The following MYO1D variants were observed in gnomAD, a reference collection of about 807,000 sequenced individuals.
MYO1D encodes the protein myosin ID, also known as unconventional myosin-Id.
Under a neutral mutation model 122.0 loss-of-function variants are expected in MYO1D, and 83 were observed. The observed-to-expected ratio is 0.68, with a 90% CI of 0.57 to 0.82. The LOEUF is 0.82. Among genes scored for constraint, MYO1D ranks in the 40% least tolerant of loss-of-function variants. The pLI, the probability that MYO1D is intolerant of heterozygous loss-of-function variation, is 0.00. For missense variants in MYO1D, 1,157 were observed against 1,269.5 expected (o/e 0.91, Z 1.35); for synonymous variants, 464 against 446.9 (o/e 1.04, Z -0.48).
intron 21 of MYO1D, among the ~76,000 whole-genome samples, chr17:32,539,791 C>T (rs899047514): frequency 1.3e-5 from 2 of 152,148 alleles, no homozygotes; most frequent in Admixed American, 6.5e-5. Flanking sequence ...GGGATTAGAA[C>T]ATGAACATCT....
At chr17:32,593,354 C>T (rs886522099) in intron 21 of MYO1D, among the ~76,000 whole-genome samples, 2 of 152,142 alleles carry the variant, frequency 1.3e-5, no homozygotes, top group African/African-American at 4.8e-5. Flanking sequence ...CACAGCTGTT[C>T]CTCCTCCAGA....
chr17:32,743,808 C>T (rs550876882), intron 13 of MYO1D, among the ~76,000 whole-genome samples: 4 of 151,820 alleles, frequency 2.6e-5, no homozygotes, highest in African/African-American at 7.3e-5. Flanking sequence ...TTAGTAGAGA[C>T]GGGGTTTCAC....
At chr17:32,698,050 C>A (rs2089196324) in intron 16 of MYO1D, among the ~76,000 whole-genome samples, 1 of 152,130 alleles carries the variant, frequency 6.6e-6, no homozygotes, top group Non-Finnish European at 1.5e-5. Flanking sequence ...CCGTGTGTGA[C>A]CTCTGCCAAG....
intron 1 of MYO1D, among the ~76,000 whole-genome samples, chr17:32,831,236 C>T (rs917518937): frequency 3.3e-5 from 5 of 152,062 alleles, no homozygotes; most frequent in South Asian, 2.1e-4. Context: ...AAAATTCTGC[C>T]GAGAAAGAGA....
chr17:32,634,494 T>C (rs1473131650), intron 20 of MYO1D, among the ~76,000 whole-genome samples: 1 of 152,208 alleles, frequency 6.6e-6, no homozygotes, highest in Non-Finnish European at 1.5e-5. Flanking sequence ...AGAAGTTCAA[T>C]GCATTAGGAG....
intron 21 of MYO1D, among the ~76,000 whole-genome samples, chr17:32,563,419 G>A (rs1335857606): frequency 6.6e-6 from 1 of 151,548 alleles, no homozygotes; most frequent in Non-Finnish European, 1.5e-5. Flanking sequence ...TTCAAACCAT[G>A]TTGGCCAGGC....
chr17:32,529,398 G>C (rs371172013), intron 21 of MYO1D, among the ~76,000 whole-genome samples: 1 of 152,014 alleles, frequency 6.6e-6, no homozygotes, highest in Non-Finnish European at 1.5e-5. Context: ...GAAAAGGGGC[G>C]GGTGGGGAGG....
rs192891650 is a variant in MYO1D, at chr17:32,669,948, C to T, written c.2122-10610G>A. On this transcript the variant is annotated intron_variant, in intron 16 of 21. Coordinates refer to ENST00000318217, the MANE Select transcript of MYO1D (RefSeq NM_015194.3). ...CACTCTATCACCCAGGCTGGAGTTGCGGTGGTGTGATCTTGGCTCACTGCA... is the reference window on the plus strand; with the variant it reads ...CACTCTATCACCCAGGCTGGAGTTGTGGTGGTGTGATCTTGGCTCACTGCA... Among the ~76,000 whole-genome samples, 13 of 149,172 alleles carry T rather than the reference C, an allele frequency of 8.7e-5. No individual in the cohort carries two copies. In the East Asian group the frequency reaches 2.2e-3, roughly 25 times the overall value.
chr17:32,866,463 A>G (rs753380245), intron 1 of MYO1D, among the ~76,000 whole-genome samples: 3 of 152,182 alleles, frequency 2.0e-5, no homozygotes, highest in Non-Finnish European at 4.4e-5. Flanking sequence ...TCAGTTCTCT[A>G]TCCCAGGTCT....
chr17:32,656,300 TAAC>T (rs2088475886), intron 17 of MYO1D, among the ~76,000 whole-genome samples: 1 of 152,214 alleles, frequency 6.6e-6, no homozygotes, highest in African/African-American at 2.4e-5. Flanking sequence ...GAAACATTTA[TAAC>T]AACACCAGAA....
At position 32,659,257 on chromosome 17, in the gene MYO1D, T is replaced by C. The variant is rs1409794979; in HGVS notation, c.2203A>G (p.Lys735Glu). ...ACCTCGTGGATGTACGACTTCACTT[T>C]GTAGCGCCGGTAGTACCTGATTATT... ...LTIIRYYRRYKVKSYIHEVAR... is the reference protein window; with the variant it reads ...LTIIRYYRRYEVKSYIHEVAR... Residue 735 changes from lysine (K) to glutamate (E), a missense_variant, in exon 17 of 22, where the codon AAA becomes GAA. By Grantham distance (56) the Lys-to-Glu change is moderately conservative. Transcript: ENST00000318217. The C allele has an allele frequency of 6.2e-7, 1 of 1,614,236 alleles. No homozygotes were observed. The highest frequency in any genetic ancestry group is 8.5e-7 in the Non-Finnish European group (1 of 1,180,034).
intron 21 of MYO1D, among the ~76,000 whole-genome samples, chr17:32,585,702 CA>C (rs1256699585): frequency 1.4e-5 from 2 of 145,666 alleles, no homozygotes; most frequent in African/African-American, 5.1e-5. Flanking sequence ...TGCACTCCAG[CA>C]CTCCAGTCTG....
At chr17:32,710,044 C>T (rs1434734012) in intron 16 of MYO1D, among the ~76,000 whole-genome samples, 3 of 151,906 alleles carry the variant, frequency 2.0e-5, no homozygotes, top group African/African-American at 7.3e-5. Context: ...CAGTTCAATC[C>T]TAATAAAAAT....
Position 32,818,125 on chromosome 17 carries a change from C to CAAAAAA in MYO1D, c.96-37347_96-37342dup, listed in dbSNP as rs58466009. 1.9e-3 allele frequency among the ~76,000 whole-genome samples: 88 copies of CAAAAAA among 45,994 alleles called. 4 individuals carry two copies. The highest frequency in any genetic ancestry group is 9.6e-3 in the East Asian group (12 of 1,248). The allele number at this position is 45,994 out of a possible 152,430, so 30.2% of individuals were successfully genotyped here. The stretch of plus-strand genomic sequence containing the variant: ...TGGGCGACAGAGCGAGACTCCGTCT[C>CAAAAAA]AAAAAAAAAAAAAAAAAAAAGAGGT... On this transcript the variant is annotated intron_variant, in intron 1 of 21. Coordinates refer to ENST00000318217, the MANE Select transcript of MYO1D (RefSeq NM_015194.3).
intron 14 of MYO1D, among the ~76,000 whole-genome samples, chr17:32,728,242 G>A (rs1297952583): frequency 2.0e-5 from 3 of 149,944 alleles, no homozygotes; most frequent in Admixed American, 6.7e-5. Context: ...GTCTCACACC[G>A]TCACCCAGGC....
chr17:32,614,453 T>C (rs369585683), intron 20 of MYO1D, among the ~76,000 whole-genome samples: 15 of 152,350 alleles, frequency 9.8e-5, no homozygotes, highest in Middle Eastern at 3.4e-3. Context: ...AATTAACAAA[T>C]TGATTTGGCT....
At chr17:32,707,291 T>C (rs1031652713) in intron 16 of MYO1D, among the ~76,000 whole-genome samples, 1 of 151,938 alleles carries the variant, frequency 6.6e-6, no homozygotes, top group African/African-American at 2.4e-5. Flanking sequence ...AGGGTAGTCA[T>C]GGAAATTAAA....
chr17:32,628,686 A>G (rs1250578089), intron 20 of MYO1D, among the ~76,000 whole-genome samples: 3 of 152,238 alleles, frequency 2.0e-5, no homozygotes, highest in Middle Eastern at 3.2e-3. Context: ...ATAGAAAAAT[A>G]CATGATACAA....
intron 1 of MYO1D, among the ~76,000 whole-genome samples, chr17:32,855,182 T>C (rs2091017937): frequency 6.6e-6 from 1 of 152,216 alleles, no homozygotes; most frequent in South Asian, 2.1e-4. Flanking sequence ...GAGGACTCCT[T>C]GTGGCCTTTT....
Sources: gnomAD v4.1 joint callset for allele counts (sites outside exome capture counted in the v4.1 genomes callset) on GRCh38, gnomAD v4.1.1 for gene constraint, MANE v1.5 for transcripts, NCBI Gene and HGNC (gene_info 2026-07-23, HGNC 2026-07-21) for gene names.